The following CSMD1 variants were observed in gnomAD, a reference collection of about 807,000 sequenced individuals.
The protein encoded by CSMD1 is CUB and Sushi multiple domains 1.
In CSMD1, 213 loss-of-function variants were observed where a neutral mutation model predicts 417.5. The ratio of observed to expected loss-of-function variants is 0.51; its 90% confidence interval spans 0.46 to 0.57. CSMD1 has a LOEUF of 0.57. CSMD1 is among the 20% of genes least tolerant of loss of function. The probability of loss-of-function intolerance (pLI) is 0.00; values close to 1 mark genes in which losing one functional copy is unlikely to be tolerated. For synonymous variants in CSMD1, 2,862 were observed against 1,736.8 expected, an observed-to-expected ratio of 1.65 and a Z score of -16.11; for missense variants, 6,923 against 4,529.7, an observed-to-expected ratio of 1.53 and a Z score of -15.17.
chr8:3,620,972 T>G (rs1011203221), intron 7 of CSMD1, among the ~76,000 whole-genome samples: 3 of 152,158 alleles, frequency 2.0e-5, no homozygotes, highest in Admixed American at 6.6e-5. Context: ...GGTAATTAAC[T>G]TAAAGTGTCA....
At chr8:3,595,365 C>T (rs2469354) in intron 8 of CSMD1, among the ~76,000 whole-genome samples, 117,893 of 152,134 alleles carry the variant, frequency 0.77, 46,937 homozygotes, top group Non-Finnish European at 0.88. Context: ...ACCCGTTTGA[C>T]TTTCACACAT....
At chr8:3,015,206 C>T (rs963594260) in intron 52 of CSMD1, among the ~76,000 whole-genome samples, 5 of 152,092 alleles carry the variant, frequency 3.3e-5, no homozygotes, top group African/African-American at 9.7e-5. Flanking sequence ...GGGTTCCTCA[C>T]CCTTCACATC....
intron 1 of CSMD1, among the ~76,000 whole-genome samples, chr8:4,836,335 A>G (rs1800489327): frequency 6.6e-6 from 1 of 152,134 alleles, no homozygotes; most frequent in African/African-American, 2.4e-5. Context: ...CACCATTTCC[A>G]TGTCTTATGA....
intron 22 of CSMD1, among the ~76,000 whole-genome samples, chr8:3,344,033 G>C (rs1208715502): frequency 6.6e-6 from 1 of 152,128 alleles, no homozygotes; most frequent in Non-Finnish European, 1.5e-5. Context: ...GTGTGATGTT[G>C]CTTAAAATGC....
chr8:3,658,226 A>G (rs943513957), intron 7 of CSMD1, among the ~76,000 whole-genome samples: 2 of 152,138 alleles, frequency 1.3e-5, no homozygotes, highest in South Asian at 2.1e-4. Context: ...ATGTAAAATA[A>G]AAGATAAATA....
At chr8:4,914,299 G>A (rs919306549) in intron 1 of CSMD1, among the ~76,000 whole-genome samples, 2 of 152,064 alleles carry the variant, frequency 1.3e-5, no homozygotes, top group African/African-American at 2.4e-5. Context: ...AGATAGGGCC[G>A]GGTGCGGTGG....
At chr8:4,929,988 T>G (rs907680450) in intron 1 of CSMD1, among the ~76,000 whole-genome samples, 9 of 152,192 alleles carry the variant, frequency 5.9e-5, no homozygotes, top group Non-Finnish European at 1.3e-4. Context: ...ATTTTAACAT[T>G]TTATTCACGT....
In CSMD1 at chr8:4,176,474, C is replaced by T. The variant is rs527728290; in HGVS notation, c.416-144375G>A. Among the ~76,000 whole-genome samples, 12 of 152,148 alleles carry T rather than the reference C, an allele frequency of 7.9e-5. No homozygotes were observed. The South Asian group carries it at 1.2e-3, about 16-fold the overall frequency. On this transcript the variant is annotated intron_variant, in intron 3 of 69. Transcript: ENST00000635120. ...TTTGATTATTTTCTCATCCTGGCAC[C>T]TTCTAACCTCCTCACTCACTACTGG...
At chr8:4,921,447 A>G (rs4373538) in intron 1 of CSMD1, among the ~76,000 whole-genome samples, 118,899 of 152,196 alleles carry the variant, frequency 0.78, 49,957 homozygotes, top group East Asian at 0.96. Flanking sequence ...CATGTTAAAG[A>G]TAAGAATGTC....
chr8:3,188,191 C>T (rs529298515), intron 35 of CSMD1, among the ~76,000 whole-genome samples: 3 of 144,736 alleles, frequency 2.1e-5, no homozygotes, highest in South Asian at 2.2e-4. Context: ...TATATATATA[C>T]CTTAATCATG....
intron 3 of CSMD1, among the ~76,000 whole-genome samples, chr8:4,242,978 T>G (rs763717707): frequency 6.6e-6 from 1 of 152,200 alleles, no homozygotes; most frequent in Non-Finnish European, 1.5e-5. Flanking sequence ...AAATTTTATG[T>G]GTAGTGAAGG....
At chr8:4,720,626 A>G (rs1018999766) in intron 1 of CSMD1, among the ~76,000 whole-genome samples, 2 of 152,196 alleles carry the variant, frequency 1.3e-5, no homozygotes, top group African/African-American at 4.8e-5. Flanking sequence ...CATGTTGGCC[A>G]GGCTGCTCTC....
intron 5 of CSMD1, among the ~76,000 whole-genome samples, chr8:3,948,940 C>A (rs1424468505): frequency 6.6e-6 from 1 of 151,746 alleles, no homozygotes; most frequent in African/African-American, 2.4e-5. Flanking sequence ...AGTAGAATAA[C>A]TGAGGATGGG....
chr8:3,000,979 AT>A (rs905673261), intron 52 of CSMD1, among the ~76,000 whole-genome samples: 4 of 143,334 alleles, frequency 2.8e-5, no homozygotes, highest in Admixed American at 6.8e-5. Context: ...CACTCCCACC[AT>A]TTTTTTTCTT....
intron 7 of CSMD1, among the ~76,000 whole-genome samples, chr8:3,676,452 G>A (rs1585058643): frequency 6.6e-6 from 1 of 152,292 alleles, no homozygotes; most frequent in Admixed American, 6.5e-5. Context: ...TAGTTATGTA[G>A]AAATTATTAC....
chr8:4,510,864 C>A (rs956269270), intron 2 of CSMD1, among the ~76,000 whole-genome samples: 1 of 133,186 alleles, frequency 7.5e-6, no homozygotes, highest in Admixed American at 7.5e-5. Flanking sequence ...CCCTTCCCTT[C>A]CCTTCCTTCC....
chr8:4,717,293 T>TTCTC (rs557155976), intron 1 of CSMD1, among the ~76,000 whole-genome samples: 55 of 129,974 alleles, frequency 4.2e-4, no homozygotes, highest in Non-Finnish European at 6.6e-4. Context: ...GACCCTGCCC[T>TTCTC]TCTCTCTCTC....
chr8:3,532,348 G>T (rs1481419036), intron 10 of CSMD1, among the ~76,000 whole-genome samples: 2 of 152,138 alleles, frequency 1.3e-5, no homozygotes, highest in African/African-American at 4.8e-5. Context: ...CTGGCTATTG[G>T]CACACATTTT....
At chr8:3,285,728 T>C (rs769185361) in intron 25 of CSMD1, among the ~76,000 whole-genome samples, 47 of 152,112 alleles carry the variant, frequency 3.1e-4, no homozygotes, top group African/African-American at 9.2e-4. Context: ...AAAAATCTTA[T>C]ACATGCAACA....
Sources: gnomAD v4.1 joint callset for allele counts (sites outside exome capture counted in the v4.1 genomes callset) on GRCh38, gnomAD v4.1.1 for gene constraint, MANE v1.5 for transcripts, NCBI Gene and HGNC (gene_info 2026-07-23, HGNC 2026-07-21) for gene names.